Variants in WDPCP observed in about 807,000 individuals in gnomAD.
WDPCP encodes WD repeat containing planar cell polarity effector.
A neutral mutation model predicts 93.1 loss-of-function variants in WDPCP; 71 were observed. The ratio of observed to expected loss-of-function variants is 0.76; its 90% confidence interval spans 0.63 to 0.93. The LOEUF (loss-of-function observed/expected upper bound fraction) is 0.93. WDPCP is among the 40% of genes least tolerant of loss of function. The pLI, the probability that WDPCP is intolerant of heterozygous loss-of-function variation, is 0.00. For synonymous variants in WDPCP, 315 were observed against 315.0 expected (o/e 1.00, Z 0.00); for missense variants, 844 against 887.4 (o/e 0.95, Z 0.62).
At chr2:63,483,793 TTC>T (rs1412803465) in intron 6 of WDPCP, among the ~76,000 whole-genome samples, 1 of 151,982 alleles carries the variant, frequency 6.6e-6, no homozygotes, top group Non-Finnish European at 1.5e-5. Flanking sequence ...CTAATAATTA[TTC>T]TTTTTATCAC....
intron 15 of WDPCP, among the ~76,000 whole-genome samples, chr2:63,170,705 A>T (rs538171467): frequency 6.6e-6 from 1 of 152,178 alleles, no homozygotes; most frequent in South Asian, 2.1e-4. Flanking sequence ...ATTTTCCTTA[A>T]CTGATGTGTG....
intron 1 of WDPCP, among the ~76,000 whole-genome samples, chr2:63,822,338 A>G (rs1043109037): frequency 2.0e-5 from 3 of 152,270 alleles, no homozygotes; most frequent in African/African-American, 7.2e-5. Context: ...TTGTCAAAAC[A>G]CAAAGCACTG....
chr2:63,692,409 A>T (rs547192401), intron 2 of WDPCP, among the ~76,000 whole-genome samples: 25 of 152,298 alleles, frequency 1.6e-4, no homozygotes, highest in African/African-American at 6.0e-4. Flanking sequence ...TTTAGAAGAA[A>T]ATAGTTTTCA....
chr2:63,810,058 T>G (rs1670840349), intron 2 of WDPCP, among the ~76,000 whole-genome samples: 1 of 152,202 alleles, frequency 6.6e-6, no homozygotes, highest in South Asian at 2.1e-4. Flanking sequence ...GCTAATCTAT[T>G]TAGTGTAGAC....
chr2:63,150,776 GTTGA>G (rs1226993743), intron 17 of WDPCP, among the ~76,000 whole-genome samples: 2 of 152,134 alleles, frequency 1.3e-5, no homozygotes, highest in African/African-American at 2.4e-5. Flanking sequence ...TGAGAAAAAA[GTTGA>G]TTAAGAGAAA....
intron 1 of WDPCP, among the ~76,000 whole-genome samples, chr2:63,547,578 T>TACATACAC (rs148639509): frequency 6.7e-6 from 1 of 149,816 alleles, no homozygotes; most frequent in African/African-American, 2.4e-5. Flanking sequence ...CACACACACA[T>TACATACAC]ACACACACAG....
chr2:63,477,763 C>G (rs1008335246), intron 6 of WDPCP: 1 of 152,050 alleles, frequency 6.6e-6, no homozygotes, highest in Non-Finnish European at 1.5e-5. Flanking sequence ...GAACACACAC[C>G]CTAAATAGGG....
chr2:63,360,405 T>G (rs900783513), intron 12 of WDPCP, among the ~76,000 whole-genome samples: 3 of 152,176 alleles, frequency 2.0e-5, no homozygotes, highest in Non-Finnish European at 4.4e-5. Flanking sequence ...CAGAAACCCT[T>G]GTTGGTTTTT....
chr2:63,572,724 A>AAAAAAAAAAAAAAAAAAAAAC, intron 1 of WDPCP, among the ~76,000 whole-genome samples: 1 of 148,052 alleles, frequency 6.8e-6, no homozygotes, highest in Non-Finnish European at 1.5e-5. Flanking sequence ...AAAAAAAAAA[A>AAAAAAAAAAAAAAAAAAAAAC]AAGTTGGACA....
intron 2 of WDPCP, among the ~76,000 whole-genome samples, chr2:63,489,179 G>T (rs1700733217): frequency 6.6e-6 from 1 of 152,088 alleles, no homozygotes; most frequent in Admixed American, 6.6e-5. Flanking sequence ...AGAGATAGGG[G>T]ATTGACTGCA....
At chr2:63,338,139 G>T (rs1007333647) in intron 12 of WDPCP, among the ~76,000 whole-genome samples, 2 of 152,086 alleles carry the variant, frequency 1.3e-5, no homozygotes, top group African/African-American at 4.8e-5. Flanking sequence ...CAGGTCTTGG[G>T]TTTAAGTATT....
intron 10 of WDPCP, among the ~76,000 whole-genome samples, chr2:63,386,518 G>A (rs534531608): frequency 6.6e-6 from 1 of 152,118 alleles, no homozygotes; most frequent in African/African-American, 2.4e-5. Context: ...TTACTAGAAT[G>A]GCTAAAATTA....
intron 1 of WDPCP, among the ~76,000 whole-genome samples, chr2:63,556,448 TC>T (rs1706130641): frequency 6.6e-6 from 1 of 152,168 alleles, no homozygotes. Flanking sequence ...CAGGAGAATG[TC>T]CCCAAACTAG....
chr2:63,343,287 T>G (rs1033655015), intron 12 of WDPCP, among the ~76,000 whole-genome samples: 7 of 146,748 alleles, frequency 4.8e-5, no homozygotes, highest in Non-Finnish European at 1.1e-4. Flanking sequence ...GGATTACAGG[T>G]GATTTTTTTT....
intron 12 of WDPCP, among the ~76,000 whole-genome samples, chr2:63,347,536 T>C (rs1558501098): frequency 6.6e-6 from 1 of 152,184 alleles, no homozygotes; most frequent in African/African-American, 2.4e-5. Context: ...TCTACTGTCA[T>C]TGGAAAAGAA....
intron 1 of WDPCP, among the ~76,000 whole-genome samples, chr2:63,502,699 T>A (rs915044980): frequency 6.6e-6 from 1 of 152,136 alleles, no homozygotes; most frequent in Non-Finnish European, 1.5e-5. Flanking sequence ...TCCTTTGTTA[T>A]GAAGTTTGTG....
rs61487991 is a variant in WDPCP at position 63,313,886 on chromosome 2, A to ATTT, written c.1749-578_1749-576dup. Among the ~76,000 whole-genome samples, 284 of 74,454 alleles carry ATTT rather than the reference A, an allele frequency of 3.8e-3. 20 individuals carry two copies. Among genetic ancestry groups the ATTT allele is most frequent in the South Asian group, 0.013 (26 of 2,062 alleles). The allele number at this position is 74,454 out of a possible 152,430, so 48.8% of individuals were successfully genotyped here. Reference sequence around the variant, plus strand: ...TATATATATATATATATATATATATATTTTTTTTTTTTTGGAGATGGAGTC... The same window carrying ATTT: ...TATATATATATATATATATATATATATTTTTTTTTTTTTTTTGGAGATGGAGTC... On this transcript the variant is annotated intron_variant, in intron 12 of 17. Coordinates refer to ENST00000272321, the MANE Select transcript of WDPCP (RefSeq NM_015910.7).
chr2:63,702,772 C>A (rs1669079741), intron 2 of WDPCP, among the ~76,000 whole-genome samples: 1 of 150,580 alleles, frequency 6.6e-6, no homozygotes, highest in East Asian at 2.0e-4. Context: ...GCACAACGTG[C>A]AGGTTTGTTA....
intron 9 of WDPCP, among the ~76,000 whole-genome samples, chr2:63,415,504 T>C (rs1402771822): frequency 1.3e-5 from 2 of 152,138 alleles, no homozygotes; most frequent in East Asian, 3.8e-4. Context: ...TACCCCAAAG[T>C]TAGGTATTAT....
Sources: gnomAD v4.1 joint callset for allele counts (sites outside exome capture counted in the v4.1 genomes callset) on GRCh38, gnomAD v4.1.1 for gene constraint, MANE v1.5 for transcripts, NCBI Gene and HGNC (gene_info 2026-07-23, HGNC 2026-07-21) for gene names.